The following ZBTB7C variants were observed in gnomAD, a reference collection of about 807,000 sequenced individuals.
ZBTB7C encodes the protein zinc finger and BTB domain-containing protein 7C.
In ZBTB7C, 8 loss-of-function variants were observed where a neutral mutation model predicts 25.7. That is an observed-to-expected ratio of 0.31 (90% CI 0.18 to 0.56). The LOEUF is 0.56. ZBTB7C is among the 20% of genes least tolerant of loss of function. The pLI is 0.91. For missense variants in ZBTB7C, 824 were observed against 855.2 expected (o/e 0.96, Z 0.46); for synonymous variants, 394 against 369.0 (o/e 1.07, Z -0.78).
intron 2 of ZBTB7C, among the ~76,000 whole-genome samples, chr18:48,289,887 C>T (rs934799276): frequency 3.9e-5 from 6 of 152,096 alleles, no homozygotes; most frequent in South Asian, 2.1e-4. Context: ...AGTTACCATC[C>T]GAGACAGATA....
chr18:48,083,750 C>T, intron 3 of ZBTB7C: 1 of 841,644 alleles, frequency 1.2e-6, no homozygotes, highest in African/African-American at 1.8e-5. Context: ...TAAAGAAGTT[C>T]CCCTGACTGT....
intron 3 of ZBTB7C, among the ~76,000 whole-genome samples, chr18:48,158,923 C>T (rs1400747615): frequency 2.0e-5 from 3 of 152,174 alleles, no homozygotes; most frequent in Non-Finnish European, 4.4e-5. Context: ...AGGCAAATTC[C>T]TGGGCCTCCC....
At chr18:48,199,137 T>C (rs968071247) in intron 2 of ZBTB7C, among the ~76,000 whole-genome samples, 2 of 152,228 alleles carry the variant, frequency 1.3e-5, no homozygotes, top group Non-Finnish European at 2.9e-5. Context: ...CGTCCTTTTT[T>C]TCTCTCTGAA....
intron 1 of ZBTB7C, among the ~76,000 whole-genome samples, chr18:48,366,534 G>A (rs1007398719): frequency 1.3e-5 from 2 of 152,130 alleles, no homozygotes; most frequent in Non-Finnish European, 2.9e-5. Flanking sequence ...AACATACATG[G>A]CACGCAGTGG....
chr18:48,227,651 C>G (rs1298012229), intron 2 of ZBTB7C, among the ~76,000 whole-genome samples: 1 of 152,208 alleles, frequency 6.6e-6, no homozygotes, highest in Admixed American at 6.5e-5. Flanking sequence ...TAGAGTTTTG[C>G]TAATTCTTTC....
chr18:48,235,930 A>G (rs569595556), intron 2 of ZBTB7C, among the ~76,000 whole-genome samples: 204 of 152,266 alleles, frequency 1.3e-3, no homozygotes, highest in African/African-American at 4.9e-3. Flanking sequence ...TCTTTATGAG[A>G]TCAACTTTAC....
chr18:48,091,930 A>G (rs1449134884), intron 3 of ZBTB7C, among the ~76,000 whole-genome samples: 1 of 151,844 alleles, frequency 6.6e-6, no homozygotes, highest in South Asian at 2.1e-4. Context: ...TTCACACCCA[A>G]CTCCTCCAGT....
intron 2 of ZBTB7C, among the ~76,000 whole-genome samples, chr18:48,204,013 C>A (rs957105448): frequency 9.2e-5 from 14 of 152,228 alleles, no homozygotes; most frequent in Admixed American, 5.2e-4. Context: ...AGGTGGCCCA[C>A]ACATCAGCTA....
At chr18:48,172,578 C>T (rs1178267461) in intron 3 of ZBTB7C, among the ~76,000 whole-genome samples, 1 of 152,244 alleles carries the variant, frequency 6.6e-6, no homozygotes, top group Non-Finnish European at 1.5e-5. Context: ...CCCGCCACAT[C>T]GTTGCACACT....
intron 3 of ZBTB7C, among the ~76,000 whole-genome samples, chr18:48,117,984 C>G (rs1345835150): frequency 2.0e-5 from 3 of 148,760 alleles, no homozygotes; most frequent in Non-Finnish European, 3.0e-5. Context: ...CATGATCAAT[C>G]TTTTCTTCTT....
rs1421408933 is a variant in ZBTB7C, at chr18:48,317,932, C to T, written c.-79+20242G>A. Among the ~76,000 whole-genome samples the T allele has an allele frequency of 4.6e-5, 7 of 152,160 alleles. 1 individual carries two copies. Among genetic ancestry groups the T allele is most frequent in the South Asian group, 4.1e-4 (2 of 4,826 alleles). On this transcript the variant is annotated intron_variant, in intron 2 of 4. Transcript: ENST00000590800. ...GCAGCCTGGGTTGAGACAGCTCGCC[C>T]GACATTCAGCAGACCTTTCCCCTCT...
intron 2 of ZBTB7C, among the ~76,000 whole-genome samples, chr18:48,321,236 G>T (rs1231318293): frequency 6.6e-5 from 10 of 152,194 alleles, no homozygotes; most frequent in Admixed American, 6.5e-4. Context: ...TCCCTTGTGG[G>T]TGTGTCATGC....
intron 1 of ZBTB7C, among the ~76,000 whole-genome samples, chr18:48,356,241 G>C (rs921646109): frequency 1.3e-5 from 2 of 152,158 alleles, no homozygotes; most frequent in Non-Finnish European, 2.9e-5. Context: ...GTATTTCTCA[G>C]GCATCTCCAA....
At chr18:48,353,884 G>T (rs72915525) in intron 1 of ZBTB7C, among the ~76,000 whole-genome samples, 22,282 of 152,176 alleles carry the variant, frequency 0.15, 1,754 homozygotes, top group African/African-American at 0.19. Flanking sequence ...CCAGGAGGGG[G>T]GTCCAAAGGG....
intron 1 of ZBTB7C, among the ~76,000 whole-genome samples, chr18:48,381,777 C>T (rs972877225): frequency 1.3e-5 from 2 of 152,216 alleles, no homozygotes. Context: ...ATGTCTTCTT[C>T]ACTCTAGGAT....
At chr18:48,263,580 C>A (rs8088548) in intron 2 of ZBTB7C, among the ~76,000 whole-genome samples, 36,898 of 151,808 alleles carry the variant, frequency 0.24, 4,613 homozygotes, top group Middle Eastern at 0.3. Flanking sequence ...TCCTTCCTGG[C>A]CTCTCTCCAC....
intron 2 of ZBTB7C, among the ~76,000 whole-genome samples, chr18:48,282,787 A>C (rs973393890): frequency 6.6e-6 from 1 of 152,250 alleles, no homozygotes; most frequent in Non-Finnish European, 1.5e-5. Context: ...AAAGTTAATA[A>C]AGTTCAAACA....
intron 2 of ZBTB7C, among the ~76,000 whole-genome samples, chr18:48,266,268 C>T (rs934531829): frequency 6.6e-6 from 1 of 152,202 alleles, no homozygotes; most frequent in Non-Finnish European, 1.5e-5. Flanking sequence ...TTCCCACTGA[C>T]TCCACGGCAG....
chr18:48,361,017 G>A (rs756894746), intron 1 of ZBTB7C, among the ~76,000 whole-genome samples: 1 of 152,104 alleles, frequency 6.6e-6, no homozygotes, highest in Non-Finnish European at 1.5e-5. Context: ...TGCCAGTGGA[G>A]GGAGATGGAA....
Sources: allele counts gnomAD v4.1 joint callset (sites outside exome capture counted in the v4.1 genomes callset), GRCh38; gene constraint gnomAD v4.1.1; transcripts MANE v1.5; gene names NCBI Gene and HGNC (gene_info 2026-07-23, HGNC 2026-07-21).